The following IGFBP7 variants were observed in gnomAD, a reference collection of about 807,000 sequenced individuals.
IGFBP7 encodes insulin-like growth factor-binding protein 7.
IGFBP7 carries 31 observed loss-of-function variants against 29.4 expected under a neutral mutation model. That is an observed-to-expected ratio of 1.05 (90% CI 0.79 to 1.42). The LOEUF (loss-of-function observed/expected upper bound fraction) is 1.42. Among genes scored for constraint, IGFBP7 ranks in the 40% most tolerant of loss-of-function variants. The probability of loss-of-function intolerance (pLI) is 0.00; values close to 1 mark genes in which losing one functional copy is unlikely to be tolerated. For missense variants in IGFBP7, 393 were observed against 395.5 expected (o/e 0.99, Z 0.05); for synonymous variants, 172 against 174.9 (o/e 0.98, Z 0.13).
chr4:57,042,144 C>A (rs918135950), intron 1 of IGFBP7, among the ~76,000 whole-genome samples: 1 of 152,156 alleles, frequency 6.6e-6, no homozygotes, highest in African/African-American at 2.4e-5. Context: ...ACACACCCCC[C>A]ACCTTCTGTA....
Position 57,110,068 on chromosome 4 carries a change from T to C in IGFBP7, c.284A>G (p.Lys95Arg), listed in dbSNP as rs1133243. The change falls in exon 1 of 5, where the codon AAG becomes AGG. Residue 95 changes from lysine to arginine, a missense_variant. Coordinates refer to ENST00000295666, the MANE Select transcript of IGFBP7 (RefSeq NM_001553.3). ...GCCGGCTGCTGCCCCGGCTTTACCCTTCCGCCTCTTGCGGCTCTTCACGCA... is the reference window on the plus strand; with the variant it reads ...GCCGGCTGCTGCCCCGGCTTTACCCCTCCGCCTCTTGCGGCTCTTCACGCA... ...MECVKSRKRR[K>R]GKAGAAAGGP... The C allele has an allele frequency of 2.6e-6, 4 of 1,559,944 alleles. No individual in the cohort carries two copies. The highest frequency in any genetic ancestry group is 3.5e-6 in the Non-Finnish European group (4 of 1,159,092).
chr4:57,101,804 G>A (rs1003780935), intron 1 of IGFBP7, among the ~76,000 whole-genome samples: 1 of 151,898 alleles, frequency 6.6e-6, no homozygotes, highest in Non-Finnish European at 1.5e-5. Context: ...CAGGCTGGGG[G>A]AAGCTTCCCT....
chr4:57,105,756 A>G (rs1004574534), intron 1 of IGFBP7, among the ~76,000 whole-genome samples: 2 of 152,124 alleles, frequency 1.3e-5, no homozygotes, highest in African/African-American at 4.8e-5. Flanking sequence ...GATACACAGT[A>G]CACGTGGAAT....
At chr4:57,073,116 C>T in intron 1 of IGFBP7, 1 of 1,596,276 alleles carries the variant, frequency 6.3e-7, no homozygotes, top group East Asian at 2.2e-5. Context: ...AAGCAGGTCA[C>T]CAGCCAGGAG....
Position 57,032,213 on chromosome 4 carries a change from G to C in IGFBP7, c.829+213C>G. On this transcript the variant is annotated intron_variant, in intron 4 of 4. Coordinates refer to ENST00000295666, the MANE Select transcript of IGFBP7 (RefSeq NM_001553.3). The stretch of plus-strand genomic sequence containing the variant: ...CTCTTACATGTTAGATAAGGTAAAA[G>C]CATCTAAGTCATAATAACGATGTTC... 4.6e-6 allele frequency: 6 copies of C among 1,299,374 alleles called. No homozygotes were observed. The South Asian group carries it at 1.2e-4, about 25-fold the overall frequency. 80.5% of individuals were successfully genotyped at this position (1,299,374 alleles called of 1,614,324 possible). A position where few individuals can be genotyped will look rare whatever the true frequency, so the allele number is the denominator to read the frequency against.
intron 1 of IGFBP7, among the ~76,000 whole-genome samples, chr4:57,062,654 G>C (rs1724826323): frequency 6.6e-6 from 1 of 152,160 alleles, no homozygotes; most frequent in Non-Finnish European, 1.5e-5. Flanking sequence ...TTTTCAATCA[G>C]TGTTTAATGT....
At chr4:57,080,740 C>G (rs974866522) in intron 1 of IGFBP7, among the ~76,000 whole-genome samples, 1 of 152,294 alleles carries the variant, frequency 6.6e-6, no homozygotes, top group East Asian at 1.9e-4. Context: ...AGAGAGAATA[C>G]TAGTCTTACT....
rs754972023 is a variant in IGFBP7 at position 57,067,567 on chromosome 4, G to C, written c.476-26634C>G. Among the ~76,000 whole-genome samples the C allele has an allele frequency of 6.6e-5, 10 of 152,136 alleles. 1 individual carries two copies. The highest frequency in any genetic ancestry group is 2.0e-4 in the Admixed American group (3 of 15,276). The stretch of plus-strand genomic sequence containing the variant: ...GGTAAGGGAGAAATGAGGAGTTGCT[G>C]TTCAATGGGTATAAAATTCTAGAGA... On this transcript the variant is annotated intron_variant, in intron 1 of 4. Transcript: ENST00000295666.
At chr4:57,094,329 A>G (rs1347751666) in intron 1 of IGFBP7, among the ~76,000 whole-genome samples, 11 of 152,176 alleles carry the variant, frequency 7.2e-5, no homozygotes, top group Non-Finnish European at 8.8e-5. Flanking sequence ...CTACTTGCCA[A>G]GTGGAAACTG....
intron 1 of IGFBP7, among the ~76,000 whole-genome samples, chr4:57,066,358 C>T (rs944124543): frequency 2.6e-5 from 4 of 152,094 alleles, no homozygotes; most frequent in Non-Finnish European, 4.4e-5. Context: ...GTGAGTGAGT[C>T]AATCCAAAGC....
chr4:57,054,933 C>A (rs1718873), intron 1 of IGFBP7, among the ~76,000 whole-genome samples: 125,569 of 151,882 alleles, frequency 0.83, 52,388 homozygotes, highest in East Asian at 0.94. Flanking sequence ...GAACCAGACA[C>A]GTGTTTAGCA....
chr4:57,070,996 C>T (rs1725038677), intron 1 of IGFBP7, among the ~76,000 whole-genome samples: 2 of 152,194 alleles, frequency 1.3e-5, no homozygotes, highest in South Asian at 2.1e-4. Context: ...ATTCATTGCA[C>T]ACTACTTCAT....
At chr4:57,072,644 T>A in intron 1 of IGFBP7, 1 of 110,646 alleles carries the variant, frequency 9.0e-6, no homozygotes, top group South Asian at 8.0e-5. Flanking sequence ...GCGTTGCTGC[T>A]GCCTAGCCAC....
At chr4:57,109,067 C>G (rs976765441) in intron 1 of IGFBP7, among the ~76,000 whole-genome samples, 1 of 152,046 alleles carries the variant, frequency 6.6e-6, no homozygotes, top group African/African-American at 2.4e-5. Flanking sequence ...TTTATTTTTG[C>G]CCACAAATAA....
chr4:57,050,862 G>A (rs13140584), intron 1 of IGFBP7, among the ~76,000 whole-genome samples: 55,790 of 151,642 alleles, frequency 0.37, 10,519 homozygotes, highest in East Asian at 0.52. Context: ...ATGGCCTCTT[G>A]CTGAGTACAT....
At chr4:57,109,217 C>G (rs1726109175) in intron 1 of IGFBP7, among the ~76,000 whole-genome samples, 1 of 151,958 alleles carries the variant, frequency 6.6e-6, no homozygotes, top group Non-Finnish European at 1.5e-5. Context: ...CTCAGGAGTT[C>G]GAGACCAGCC....
intron 1 of IGFBP7, among the ~76,000 whole-genome samples, chr4:57,052,154 A>C (rs1173551981): frequency 6.6e-6 from 1 of 152,138 alleles, no homozygotes; most frequent in African/African-American, 2.4e-5. Context: ...GCTCTAACTC[A>C]AGGTCGCAGC....
chr4:57,082,520 T>C (rs1725395636), intron 1 of IGFBP7, among the ~76,000 whole-genome samples: 1 of 152,190 alleles, frequency 6.6e-6, no homozygotes, highest in Non-Finnish European at 1.5e-5. Flanking sequence ...AAGTTTTTGG[T>C]AATTAGAAGA....
chr4:57,079,849 C>T lies in IGFBP7; in HGVS notation c.475+30028G>A, dbSNP rs560442081. ...CCTCTATTATCATTTACTGAGTTTA[C>T]TGTATGCCAGGCACAGTGCAGGCTC... On this transcript the variant is annotated intron_variant, in intron 1 of 4. Transcript: ENST00000295666. Among the ~76,000 whole-genome samples the T allele has an allele frequency of 4.5e-4, 69 of 152,306 alleles. 1 individual carries two copies. The highest frequency in any genetic ancestry group is 4.4e-3 in the Admixed American group (68 of 15,298).
Sources: allele counts gnomAD v4.1 joint callset (sites outside exome capture counted in the v4.1 genomes callset), GRCh38; gene constraint gnomAD v4.1.1; transcripts MANE v1.5; gene names NCBI Gene and HGNC (gene_info 2026-07-23, HGNC 2026-07-21).